CHLSN: variants seen among roughly 807,000 people sequenced by gnomAD.
CHLSN encodes the protein cholesin.
At chr7:990,494 G>A in the CHLSN span, among the ~76,000 whole-genome samples, 2 of 152,120 alleles carry the variant, frequency 1.3e-5, no homozygotes, top group Admixed American at 6.5e-5. Flanking sequence ...AGGATAAGCC[G>A]TGGCACATTC....
the CHLSN span, chr7:984,982 G>A: frequency 6.2e-7 from 1 of 1,608,360 alleles, no homozygotes; most frequent in African/African-American, 1.3e-5. Flanking sequence ...GCGCTGGAGG[G>A]CTGCCCGCCA....
chr7:984,505 G>A, the CHLSN span: 1 of 1,552,422 alleles, frequency 6.4e-7, no homozygotes, highest in Non-Finnish European at 8.7e-7. Flanking sequence ...AGAGGCGCTG[G>A]CGGGCCCCGG....
the CHLSN span, among the ~76,000 whole-genome samples, chr7:1,073,587 C>T: frequency 2.0e-5 from 3 of 152,112 alleles, no homozygotes; most frequent in Admixed American, 6.5e-5. Flanking sequence ...AAAACAGAAG[C>T]TCCGTGGAGA....
the CHLSN span, chr7:1,027,052 A>C: frequency 1.3e-5 from 2 of 152,266 alleles, no homozygotes; most frequent in Non-Finnish European, 2.9e-5. Flanking sequence ...AGCAACGAGA[A>C]AAAAACCAGA....
the CHLSN span, among the ~76,000 whole-genome samples, chr7:1,132,339 G>A: frequency 6.6e-6 from 1 of 152,154 alleles, no homozygotes; most frequent in Non-Finnish European, 1.5e-5. Context: ...CTTGAGGCCA[G>A]GAGTTCCAGA....
the CHLSN span, chr7:984,273 G>C: frequency 8.6e-7 from 1 of 1,156,302 alleles, no homozygotes; most frequent in South Asian, 1.6e-5. Context: ...CTGGCTTTAT[G>C]GCATCTAGGC....
the CHLSN span, among the ~76,000 whole-genome samples, chr7:1,103,034 A>G: frequency 6.6e-6 from 1 of 152,178 alleles, no homozygotes; most frequent in Non-Finnish European, 1.5e-5. Context: ...CACGGAGCCC[A>G]CCACATGTCT....
At chr7:1,058,050 G>A in the CHLSN span, 35 of 768,412 alleles carry the variant, frequency 4.6e-5, no homozygotes, top group Admixed American at 4.6e-4. Context: ...GCTAGAGTGC[G>A]CCAAGATGCA....
At chr7:989,962 AGT>A in the CHLSN span, among the ~76,000 whole-genome samples, 2 of 122,896 alleles carry the variant, frequency 1.6e-5, no homozygotes, top group Admixed American at 8.5e-5. Flanking sequence ...CGTGGTCGGC[AGT>A]GTGAGTGGCG....
the CHLSN span, chr7:988,659 G>T: frequency 6.2e-7 from 1 of 1,601,350 alleles, no homozygotes; most frequent in East Asian, 2.2e-5. Context: ...GTTGGGGAGC[G>T]CCTGGCCAGG....
At chr7:989,063 A>G in the CHLSN span, 1 of 450,868 alleles carries the variant, frequency 2.2e-6, no homozygotes, top group East Asian at 3.2e-5. Flanking sequence ...GCCAGCCCCC[A>G]GGAGCGCCTC....
At chr7:1,117,502 T>C in the CHLSN span, among the ~76,000 whole-genome samples, 87 of 73,860 alleles carry the variant, frequency 1.2e-3, no homozygotes, top group African/African-American at 2.1e-3. Context: ...ATCACCGACA[T>C]CCACGCAGGA....
the CHLSN span, among the ~76,000 whole-genome samples, chr7:1,040,697 A>C: frequency 2.6e-5 from 4 of 152,020 alleles, no homozygotes; most frequent in African/African-American, 9.7e-5. Flanking sequence ...GAACAAAAAA[A>C]AAAAAAAGGA....
chr7:1,012,385 A>G, the CHLSN span, among the ~76,000 whole-genome samples: 3 of 152,160 alleles, frequency 2.0e-5, no homozygotes, highest in African/African-American at 7.2e-5. Flanking sequence ...GGCGAGGGGA[A>G]CCCAGGCCGT....
the CHLSN span, chr7:987,305 A>T: frequency 6.5e-7 from 1 of 1,529,788 alleles, no homozygotes; most frequent in Non-Finnish European, 8.8e-7. Flanking sequence ...CCCAGGGACG[A>T]GGGATGGCGC....
chr7:1,014,434 C>T, the CHLSN span, among the ~76,000 whole-genome samples: 1 of 152,260 alleles, frequency 6.6e-6, no homozygotes, highest in Non-Finnish European at 1.5e-5. Context: ...TCCGCCCACC[C>T]CACCCGTCCA....
At chr7:1,037,063 A>G in the CHLSN span, among the ~76,000 whole-genome samples, 4 of 146,452 alleles carry the variant, frequency 2.7e-5, 1 homozygote, top group Non-Finnish European at 6.2e-5. Context: ...GTGAGCCGAG[A>G]TCACACCACT....
At chr7:1,085,549 A>G in the CHLSN span, among the ~76,000 whole-genome samples, 4 of 152,174 alleles carry the variant, frequency 2.6e-5, no homozygotes, top group Non-Finnish European at 1.5e-5. Context: ...AGCACCGCAC[A>G]GCGCCCAGCA....
chr7:1,071,220 G>A, the CHLSN span, among the ~76,000 whole-genome samples: 1,407 of 152,330 alleles, frequency 9.2e-3, 28 homozygotes, highest in African/African-American at 0.032. Flanking sequence ...TGACCCTCCC[G>A]CACGTCAGCA....
Sources: gnomAD v4.1 joint callset for allele counts (sites outside exome capture counted in the v4.1 genomes callset) on GRCh38, gnomAD v4.1.1 for gene constraint, MANE v1.5 for transcripts, NCBI Gene and HGNC (gene_info 2026-07-23, HGNC 2026-07-21) for gene names.